Variants in TMEM232 observed in about 807,000 individuals in gnomAD.
TMEM232 encodes the protein transmembrane protein 232.
A neutral mutation model predicts 78.8 loss-of-function variants in TMEM232; 80 were observed. That is an observed-to-expected ratio of 1.01 (90% CI 0.85 to 1.22). TMEM232 has a LOEUF of 1.22. TMEM232 is among the 50% of genes most tolerant of loss of function. The pLI is 0.00. For missense variants in TMEM232, 881 were observed against 742.2 expected, an observed-to-expected ratio of 1.19 and a Z score of -2.17; for synonymous variants, 297 against 254.3, an observed-to-expected ratio of 1.17 and a Z score of -1.60.
intron 6 of TMEM232, among the ~76,000 whole-genome samples, chr5:110,627,518 T>C (rs1378318974): frequency 6.6e-6 from 1 of 151,996 alleles, no homozygotes; most frequent in Non-Finnish European, 1.5e-5. Flanking sequence ...AATAATAATG[T>C]ATTGCATTTT....
chr5:110,596,762 A>G (rs1780220105), intron 10 of TMEM232, among the ~76,000 whole-genome samples: 2 of 152,250 alleles, frequency 1.3e-5, no homozygotes, highest in South Asian at 2.1e-4. Flanking sequence ...AAAGACAAAA[A>G]CCACACGATT....
intron 3 of TMEM232, among the ~76,000 whole-genome samples, chr5:110,397,247 C>A (rs1229142877): frequency 1.3e-5 from 2 of 152,032 alleles, no homozygotes; most frequent in Non-Finnish European, 2.9e-5. Flanking sequence ...TAGATATATG[C>A]CATCTGTTTA....
chr5:110,703,197 G>C (rs892385394), intron 1 of TMEM232, among the ~76,000 whole-genome samples: 1 of 151,994 alleles, frequency 6.6e-6, no homozygotes, highest in Admixed American at 6.6e-5. Flanking sequence ...TGAAACTCAA[G>C]AAAAGGCTTT....
At chr5:110,524,393 AAGAAAGAAAGAAAGAAAG>A (rs1770164991) in intron 12 of TMEM232, among the ~76,000 whole-genome samples, 1 of 72,792 alleles carries the variant, frequency 1.4e-5, no homozygotes, top group African/African-American at 7.5e-5. Flanking sequence ...GAAAGAAAGA[AAGAAAGAAAGAAAGAAAG>A]AAAGAAAAGA....
intron 12 of TMEM232, among the ~76,000 whole-genome samples, chr5:110,480,377 G>A (rs1398247938): frequency 1.3e-5 from 2 of 151,926 alleles, no homozygotes; most frequent in South Asian, 2.1e-4. Flanking sequence ...CCTCACTGGT[G>A]TGAAGAAGTT....
In TMEM232 at chr5:110,641,010, G is replaced by T; in HGVS notation, c.238-14C>A. The T allele has an allele frequency of 3.4e-6, 5 of 1,466,852 alleles. No homozygotes were observed. The Admixed American group carries it at 9.7e-5, about 28-fold the overall frequency. 90.9% of individuals were successfully genotyped at this position (1,466,852 alleles called of 1,614,324 possible). The stretch of plus-strand genomic sequence containing the variant: ...ACCCAATTTTCTCTGTTATGAGGAA[G>T]CATGAAAAAGACAAATCAAAATGTA... On this transcript the variant is annotated splice_polypyrimidine_tract_variant and intron_variant, in intron 3 of 13. Transcript: ENST00000455884.
At chr5:110,492,572 T>C (rs545706587) in intron 12 of TMEM232, among the ~76,000 whole-genome samples, 15 of 152,084 alleles carry the variant, frequency 9.9e-5, no homozygotes, top group African/African-American at 3.4e-4. Flanking sequence ...ACTATTCTTA[T>C]GTCAAAAGGT....
chr5:110,720,984 C>T (rs1424977379), intron 1 of TMEM232: 1 of 152,002 alleles, frequency 6.6e-6, no homozygotes, highest in Non-Finnish European at 1.5e-5. Flanking sequence ...AAAATCTATG[C>T]CACAAATTCA....
At chr5:110,638,105 T>C (rs1204096653) in intron 5 of TMEM232, 93 bp downstream of exon 5, 8 of 982,480 alleles carry the variant, frequency 8.1e-6, no homozygotes, top group African/African-American at 5.1e-5. Context: ...ATAATAAAAC[T>C]AAATGTTCTG....
At chr5:110,526,358 G>C (rs1308588473) in intron 12 of TMEM232, among the ~76,000 whole-genome samples, 2 of 151,022 alleles carry the variant, frequency 1.3e-5, no homozygotes, top group Non-Finnish European at 3.0e-5. Context: ...ATAGTCCCAG[G>C]TTTTTGTATA....
intron 2 of TMEM232, among the ~76,000 whole-genome samples, chr5:110,406,144 T>C (rs1405771489): frequency 3.3e-5 from 5 of 151,922 alleles, no homozygotes; most frequent in African/African-American, 1.2e-4. Flanking sequence ...GGTAAAGATA[T>C]GGACTGAATA....
At chr5:110,543,749 C>T (rs189860415) in intron 11 of TMEM232, among the ~76,000 whole-genome samples, 316 of 152,264 alleles carry the variant, frequency 2.1e-3, no homozygotes, top group Non-Finnish European at 3.4e-3. Context: ...TTCGCAGCAA[C>T]TCCCACCATC....
At chr5:110,429,450 G>C (rs975989568) in intron 12 of TMEM232, among the ~76,000 whole-genome samples, 1 of 151,730 alleles carries the variant, frequency 6.6e-6, no homozygotes, top group African/African-American at 2.4e-5. Context: ...AAGCTCTCCT[G>C]AAGACATACT....
chr5:110,552,909 T>C (rs966335834), intron 11 of TMEM232, among the ~76,000 whole-genome samples: 12 of 152,080 alleles, frequency 7.9e-5, no homozygotes, highest in Admixed American at 2.6e-4. Flanking sequence ...CTTGAGTTAA[T>C]TTTTGTGTAT....
chr5:110,508,265 G>A lies in TMEM232; in HGVS notation c.1703+20323C>T, dbSNP rs544905743. On this transcript the variant is annotated intron_variant, in intron 12 of 13. Coordinates refer to ENST00000455884, the MANE Select transcript of TMEM232 (RefSeq NM_001039763.4). The stretch of plus-strand genomic sequence containing the variant: ...GATCATATATTGCACTGACAGAGTT[G>A]GCATTGAAAGTGGAAGCTGTTCAGA... Among the ~76,000 whole-genome samples, 19 of 151,962 alleles carry A rather than the reference G, an allele frequency of 1.3e-4. No homozygotes were observed. The South Asian group carries it at 3.9e-3, about 32-fold the overall frequency.
chr5:110,478,022 G>A (rs1268305714), intron 12 of TMEM232, among the ~76,000 whole-genome samples: 2 of 151,808 alleles, frequency 1.3e-5, no homozygotes, highest in South Asian at 4.1e-4. Flanking sequence ...TAGTGGAAAG[G>A]CATTCATTAC....
chr5:110,695,855 C>A (rs1169499941), intron 1 of TMEM232, among the ~76,000 whole-genome samples: 3 of 152,036 alleles, frequency 2.0e-5, no homozygotes, highest in Non-Finnish European at 4.4e-5. Context: ...GGATTCACAG[C>A]CAAATTCTAC....
intron 2 of TMEM232, among the ~76,000 whole-genome samples, chr5:110,410,110 G>A (rs1755936371): frequency 6.6e-6 from 1 of 152,128 alleles, no homozygotes; most frequent in African/African-American, 2.4e-5. Flanking sequence ...AGAGACTGGT[G>A]GGAGAAAGGA....
intron 10 of TMEM232, among the ~76,000 whole-genome samples, chr5:110,570,959 A>G (rs977301893): frequency 1.3e-5 from 2 of 151,990 alleles, no homozygotes; most frequent in Admixed American, 1.3e-4. Flanking sequence ...AACTACTGGA[A>G]GTTCTAGAAT....
Sources: allele counts gnomAD v4.1 joint callset (sites outside exome capture counted in the v4.1 genomes callset), GRCh38; gene constraint gnomAD v4.1.1; transcripts MANE v1.5; gene names NCBI Gene and HGNC (gene_info 2026-07-23, HGNC 2026-07-21).